The following MTMR8 variants were observed in gnomAD, a reference collection of about 807,000 sequenced individuals.
MTMR8 encodes the protein phosphatidylinositol-3,5-bisphosphate 3-phosphatase MTMR8.
Under a neutral mutation model 39.3 loss-of-function variants are expected in MTMR8, and 65 were observed. The ratio of observed to expected loss-of-function variants is 1.65; its 90% confidence interval spans 1.35 to 2.03. The LOEUF (loss-of-function observed/expected upper bound fraction) is 2.03, where lower values mean the gene tolerates loss of function less well. Among genes scored for constraint, MTMR8 ranks in the 30% most tolerant of loss-of-function variants. The pLI is 0.00. For synonymous variants in MTMR8, 245 were observed against 185.2 expected, an observed-to-expected ratio of 1.32 and a Z score of -2.62; for missense variants, 777 against 538.9, an observed-to-expected ratio of 1.44 and a Z score of -4.37.
intron 1 of MTMR8, among the ~76,000 whole-genome samples, chrX:64,361,371 C>A (rs1404367031): frequency 2.7e-5 from 3 of 111,084 alleles, no homozygotes; most frequent in African/African-American, 6.5e-5. Context: ...ATTCTAAAAT[C>A]AAATAAAGAC....
intron 12 of MTMR8, among the ~76,000 whole-genome samples, chrX:64,275,948 A>C (rs769072078): frequency 8.9e-6 from 1 of 111,828 alleles, no homozygotes; most frequent in South Asian, 3.7e-4. Flanking sequence ...TAAGTAGAGA[A>C]ATTGAATCAG....
At chrX:64,395,092 G>A (rs1037079750) in intron 1 of MTMR8, among the ~76,000 whole-genome samples, 1 of 112,155 alleles carries the variant, frequency 8.9e-6, no homozygotes, top group African/African-American at 3.2e-5. Context: ...CACCAGGAGC[G>A]GGGGCGGCGT....
intron 12 of MTMR8, among the ~76,000 whole-genome samples, chrX:64,300,156 A>T (rs923356373): frequency 5.6e-5 from 6 of 106,388 alleles, no homozygotes; most frequent in African/African-American, 2.1e-4. Flanking sequence ...TGTCTCATTG[A>T]TCTGTCTAAT....
chrX:64,318,177 T>C (rs950195775), intron 12 of MTMR8, among the ~76,000 whole-genome samples: 5 of 112,098 alleles, frequency 4.5e-5, no homozygotes, highest in African/African-American at 1.3e-4. Context: ...CAGAAGTGTC[T>C]TTTAGGGATT....
chrX:64,381,044 G>T (rs746534369), intron 1 of MTMR8, among the ~76,000 whole-genome samples: 7 of 111,857 alleles, frequency 6.3e-5, no homozygotes, highest in African/African-American at 2.3e-4. Context: ...GAATAGTGCC[G>T]CAATAAACAT....
chrX:64,277,609 G>T (rs1054800243), intron 12 of MTMR8, among the ~76,000 whole-genome samples: 19 of 112,158 alleles, frequency 1.7e-4, no homozygotes, highest in Non-Finnish European at 3.2e-4. Context: ...AGAGAGATCT[G>T]CTGTTAGTCT....
intron 12 of MTMR8, among the ~76,000 whole-genome samples, chrX:64,281,936 A>AAG (rs1932024788): frequency 9.0e-6 from 1 of 111,308 alleles, no homozygotes; most frequent in African/African-American, 3.3e-5. Context: ...AAAAAAAAAA[A>AAG]AAAGATATTT....
chrX:64,271,586 C>A (rs765517735), intron 12 of MTMR8, among the ~76,000 whole-genome samples: 3 of 112,231 alleles, frequency 2.7e-5, no homozygotes, highest in Non-Finnish European at 5.6e-5. Context: ...AACATCCACT[C>A]ATCATAATCC....
At chrX:64,279,394 C>T (rs754082994) in intron 12 of MTMR8, among the ~76,000 whole-genome samples, 2 of 111,762 alleles carry the variant, frequency 1.8e-5, no homozygotes, top group African/African-American at 3.3e-5. Flanking sequence ...GTGAATGAGA[C>T]AAGAAAGCCT....
chrX:64,285,819 C>T (rs1049570116), intron 12 of MTMR8, among the ~76,000 whole-genome samples: 1 of 110,838 alleles, frequency 9.0e-6, no homozygotes, highest in Admixed American at 9.6e-5. Context: ...GGGACACATT[C>T]AAAGCAGTGT....
intron 12 of MTMR8, among the ~76,000 whole-genome samples, chrX:64,308,196 A>C (rs1342523283): frequency 1.8e-5 from 2 of 111,133 alleles, no homozygotes; most frequent in Non-Finnish European, 3.8e-5. Flanking sequence ...AATTCAAAAA[A>C]ACTTTTGACG....
chrX:64,302,402 C>T (rs777680761), intron 12 of MTMR8, among the ~76,000 whole-genome samples: 78 of 112,734 alleles, frequency 6.9e-4, no homozygotes, highest in African/African-American at 2.5e-3. Flanking sequence ...CCAGGTGAGG[C>T]AATGCCTCGC....
At chrX:64,288,706 A>G (rs1460843371) in intron 12 of MTMR8, among the ~76,000 whole-genome samples, 1 of 111,654 alleles carries the variant, frequency 9.0e-6, no homozygotes, top group Non-Finnish European at 1.9e-5. Context: ...TGATGAGTTC[A>G]TGTCCTTTGC....
intron 1 of MTMR8, among the ~76,000 whole-genome samples, chrX:64,364,959 A>T (rs1375366076): frequency 2.7e-5 from 3 of 111,841 alleles, no homozygotes; most frequent in East Asian, 5.6e-4. Flanking sequence ...GAACTTCATG[A>T]TGCATGCACA....
At chrX:64,383,844 G>T (rs1192030790) in intron 1 of MTMR8, among the ~76,000 whole-genome samples, 1 of 110,675 alleles carries the variant, frequency 9.0e-6, no homozygotes, top group Non-Finnish European at 1.9e-5. Context: ...TCTGCTCCTG[G>T]TCCCCCAAAT....
In MTMR8 at chrX:64,293,034, G is replaced by A. The variant is rs777934073; in HGVS notation, c.1482-21961C>T. On this transcript the variant is annotated intron_variant, in intron 12 of 13. Coordinates refer to ENST00000374852, the MANE Select transcript of MTMR8 (RefSeq NM_017677.4). ...CTGTCAATGGAAAATGTTAACCAAG[G>A]TCAAAGATCTCCTACATCAGCTGGG... Among the ~76,000 whole-genome samples, 6 of 111,169 alleles carry A rather than the reference G, an allele frequency of 5.4e-5. No homozygotes were observed. In the South Asian group the frequency reaches 1.9e-3, roughly 36 times the overall value.
At chrX:64,351,519 G>A (rs1221157783) in intron 4 of MTMR8, among the ~76,000 whole-genome samples, 1 of 111,284 alleles carries the variant, frequency 9.0e-6, no homozygotes, top group Non-Finnish European at 1.9e-5. Flanking sequence ...ATGTATATAG[G>A]AAAGGGAGTT....
At chrX:64,393,771 G>A (rs1283044326) in intron 1 of MTMR8, among the ~76,000 whole-genome samples, 1 of 112,141 alleles carries the variant, frequency 8.9e-6, no homozygotes, top group Non-Finnish European at 1.9e-5. Context: ...CCCTGAAGAG[G>A]AGGGAGTCAG....
chrX:64,282,971 C>A (rs1305554326), intron 12 of MTMR8, among the ~76,000 whole-genome samples: 1 of 111,711 alleles, frequency 9.0e-6, no homozygotes, highest in Non-Finnish European at 1.9e-5. Context: ...GCTTGTTGGA[C>A]AGTGGGGGCA....
Sources: allele counts gnomAD v4.1 joint callset (sites outside exome capture counted in the v4.1 genomes callset), GRCh38; gene constraint gnomAD v4.1.1; transcripts MANE v1.5; gene names NCBI Gene and HGNC (gene_info 2026-07-23, HGNC 2026-07-21).